The following KLHL8 variants were observed in gnomAD, a reference collection of about 807,000 sequenced individuals.
The protein encoded by KLHL8 is kelch-like protein 8.
In KLHL8, 38 loss-of-function variants were observed where a neutral mutation model predicts 63.5. That is an observed-to-expected ratio of 0.60 (90% CI 0.46 to 0.78). KLHL8 has a LOEUF of 0.78. Ranked by LOEUF, KLHL8 falls within the 30% of genes least tolerant of loss-of-function variation. The probability of loss-of-function intolerance (pLI) is 0.00; values close to 1 mark genes in which losing one functional copy is unlikely to be tolerated. For synonymous variants in KLHL8, 224 were observed against 254.3 expected (o/e 0.88, Z 1.13); for missense variants, 566 against 752.4 (o/e 0.75, Z 2.90).
intron 8 of KLHL8, among the ~76,000 whole-genome samples, chr4:87,166,466 C>T (rs1380604214): frequency 2.0e-5 from 3 of 152,166 alleles, no homozygotes; most frequent in African/African-American, 4.8e-5. Context: ...TATAGCTAAT[C>T]ATGTACTGGG....
chr4:87,214,538 T>G (rs1732527278), intron 1 of KLHL8, among the ~76,000 whole-genome samples: 1 of 149,784 alleles, frequency 6.7e-6, no homozygotes, highest in Admixed American at 6.7e-5. Flanking sequence ...ATTCCTATTT[T>G]TTTGCAGTTT....
intron 6 of KLHL8, among the ~76,000 whole-genome samples, chr4:87,174,596 A>G (rs1235237505): frequency 1.3e-5 from 2 of 152,114 alleles, no homozygotes; most frequent in Non-Finnish European, 2.9e-5. Context: ...AGTTTTATTA[A>G]AAGAAACTCT....
chr4:87,212,692 T>C (rs147273594), intron 1 of KLHL8, among the ~76,000 whole-genome samples: 1 of 152,332 alleles, frequency 6.6e-6, no homozygotes, highest in African/African-American at 2.4e-5. Flanking sequence ...AATGCATAGA[T>C]GATAGTCTCA....
intron 1 of KLHL8, among the ~76,000 whole-genome samples, chr4:87,208,237 CCCAGGAGCCCCA>C (rs1188047109): frequency 5.9e-5 from 9 of 152,194 alleles, no homozygotes; most frequent in Non-Finnish European, 1.2e-4. Flanking sequence ...GAGGGAGGGG[CCCAGGAGCCCCA>C]CCTTGTCATG....
rs1420572220 is a variant in KLHL8, at chr4:87,161,873, A to C, written c.*1646T>G. ...GAAAAAAATAGCTTACTGGATTTAT[A>C]TCTGCTTCATAAGAGACTTTTATCT... On this transcript the variant is annotated 3_prime_UTR_variant, in exon 10 of 10. Coordinates refer to ENST00000273963, the MANE Select transcript of KLHL8 (RefSeq NM_020803.5). The C allele has an allele frequency of 1.3e-5, 2 of 152,214 alleles. No individual in the cohort carries two copies. The highest frequency in any genetic ancestry group is 4.8e-5 in the African/African-American group (2 of 41,448). 9.4% of individuals were successfully genotyped at this position (152,214 alleles called of 1,614,324 possible). A position where few individuals can be genotyped will look rare whatever the true frequency, so the allele number is the denominator to read the frequency against.
chr4:87,202,985 G>A (rs139154822), intron 1 of KLHL8, among the ~76,000 whole-genome samples: 49 of 152,228 alleles, frequency 3.2e-4, no homozygotes, highest in Non-Finnish European at 6.2e-4. Context: ...AAGAGTTTAT[G>A]CAAGGCTGCT....
intron 1 of KLHL8, among the ~76,000 whole-genome samples, chr4:87,230,981 C>T (rs372218145): frequency 6.6e-5 from 10 of 152,224 alleles, no homozygotes; most frequent in African/African-American, 2.4e-4. Context: ...GGACTTCCAT[C>T]TGGAGAAATG....
At chr4:87,219,855 C>A (rs933146917) in intron 1 of KLHL8, 1 of 152,314 alleles carries the variant, frequency 6.6e-6, no homozygotes, top group Non-Finnish European at 1.5e-5. Flanking sequence ...CCAGCAAGCC[C>A]CCCGAGTGGG....
chr4:87,240,486 C>T (rs549728664), upstream of KLHL8, among the ~76,000 whole-genome samples: 10 of 152,280 alleles, frequency 6.6e-5, no homozygotes, highest in South Asian at 2.1e-3. Context: ...CTCATTACAG[C>T]ATGAGTTATC....
intron 2 of KLHL8, among the ~76,000 whole-genome samples, chr4:87,194,828 T>C (rs1170417981): frequency 6.6e-6 from 1 of 152,212 alleles, no homozygotes; most frequent in Non-Finnish European, 1.5e-5. Flanking sequence ...CTATCAGGTG[T>C]AGATAAACAA....
At chr4:87,219,986 C>A (rs1196417568) in intron 1 of KLHL8, 1 of 152,226 alleles carries the variant, frequency 6.6e-6, no homozygotes, top group Admixed American at 6.5e-5. Flanking sequence ...GGCCCCGAAC[C>A]CGCGCCAGCC....
intron 6 of KLHL8, 38 bp from the exon 7 acceptor site, chr4:87,170,653 T>C (rs548356822): frequency 1.3e-6 from 2 of 1,563,472 alleles, no homozygotes; most frequent in African/African-American, 2.7e-5. Flanking sequence ...CAAATGAGTT[T>C]GTTTCCAGGA....
intron 2 of KLHL8, among the ~76,000 whole-genome samples, chr4:87,189,010 G>A (rs1339440139): frequency 1.3e-5 from 2 of 152,152 alleles, no homozygotes; most frequent in South Asian, 2.1e-4. Flanking sequence ...GAGCAAAGAC[G>A]GATTCAAGAA....
intron 1 of KLHL8, chr4:87,207,649 G>A: frequency 1.7e-6 from 2 of 1,185,040 alleles, no homozygotes; most frequent in Non-Finnish European, 2.5e-6. Flanking sequence ...GAAGACTGTG[G>A]ATGGCCCCTC....
intron 2 of KLHL8, among the ~76,000 whole-genome samples, chr4:87,189,882 A>T (rs1208393785): frequency 6.6e-6 from 1 of 151,638 alleles, no homozygotes; most frequent in Non-Finnish European, 1.5e-5. Flanking sequence ...ACAAAAAAAA[A>T]AATTAGCCGG....
At chr4:87,177,142 G>A (rs1010804135) in intron 5 of KLHL8, among the ~76,000 whole-genome samples, 4 of 152,012 alleles carry the variant, frequency 2.6e-5, no homozygotes, top group Non-Finnish European at 4.4e-5. Flanking sequence ...TTATTACTTG[G>A]TAGATGAAAT....
At chr4:87,172,137 T>C (rs1214925423) in intron 6 of KLHL8, among the ~76,000 whole-genome samples, 1 of 151,688 alleles carries the variant, frequency 6.6e-6, no homozygotes, top group Non-Finnish European at 1.5e-5. Flanking sequence ...AGCAGAGAGG[T>C]TTCTCCAGCT....
At chr4:87,232,405 A>G (rs112296747) in intron 1 of KLHL8, among the ~76,000 whole-genome samples, 7,304 of 152,294 alleles carry the variant, frequency 0.048, 217 homozygotes, top group Middle Eastern at 0.11. Flanking sequence ...TCATCATATG[A>G]ATATACCATA....
At chr4:87,182,853 C>T (rs908560437) in intron 4 of KLHL8, among the ~76,000 whole-genome samples, 1 of 151,990 alleles carries the variant, frequency 6.6e-6, no homozygotes, top group African/African-American at 2.4e-5. Flanking sequence ...GGGATAGAAA[C>T]CTAAATAAGA....
Sources: allele counts gnomAD v4.1 joint callset (sites outside exome capture counted in the v4.1 genomes callset), GRCh38; gene constraint gnomAD v4.1.1; transcripts MANE v1.5; gene names NCBI Gene and HGNC (gene_info 2026-07-23, HGNC 2026-07-21).